DSC2: variants seen among roughly 807,000 people sequenced by gnomAD.
DSC2 encodes desmocollin-2.
In DSC2, 51 loss-of-function variants were observed where a neutral mutation model predicts 87.6. The ratio of observed to expected loss-of-function variants is 0.58; its 90% CI spans 0.46 to 0.74. DSC2 has a LOEUF of 0.74. DSC2 is among the 30% of genes least tolerant of loss of function. The probability of loss-of-function intolerance (pLI) is 0.00; values close to 1 mark genes in which losing one functional copy is unlikely to be tolerated. For missense variants in DSC2, 1,066 were observed against 1,089.5 expected (o/e 0.98, Z 0.30); for synonymous variants, 383 against 393.2 (o/e 0.97, Z 0.31).
At position 31,092,200 on chromosome 18, in the gene DSC2, A is replaced by G; in HGVS notation, c.255T>C (p.Ile85=). 3 of 1,613,774 alleles carry G rather than the reference A, an allele frequency of 1.9e-6. No homozygotes were observed. Among genetic ancestry groups the G allele is most frequent in the Non-Finnish European group, 2.5e-6 (3 of 1,179,812 alleles). ...EDGSVYTTNT[I]LLSSEKRSFT... ...AACTTCTCTTCTCCGAGGACAATAG[A>G]ATAGTATTTGTTGTATAGACTGAAC... is the stretch of plus-strand genomic sequence containing the variant. The change falls in exon 3 of 16, where the codon ATT becomes ATC. Residue 85 remains isoleucine (I), a synonymous_variant. Transcript: ENST00000280904.
chr18:31,071,896 G>T, intron 12 of DSC2, 55 bp from the exon 13 acceptor site: 1 of 1,446,152 alleles, frequency 6.9e-7, no homozygotes, highest in South Asian at 1.2e-5. Context: ...GATTTCTTCT[G>T]AACATAAATA....
intron 11 of DSC2, among the ~76,000 whole-genome samples, chr18:31,075,196 AG>A (rs796328039): frequency 1.8e-4 from 27 of 152,328 alleles, no homozygotes; most frequent in African/African-American, 6.5e-4. Context: ...AGTATGAATG[AG>A]GACACTTCTG....
At chr18:31,086,447 A>C in intron 7 of DSC2, 129 bp downstream of exon 7, 2 of 1,131,888 alleles carry the variant, frequency 1.8e-6, no homozygotes, top group Non-Finnish European at 2.6e-6. Context: ...ATCTCTATTA[A>C]CATACATAAA....
At position 31,061,050 on chromosome 18, in the gene DSC2, T is replaced by C. The variant is rs935018194; in HGVS notation, c.*6965A>G. 5 of 152,248 alleles carry C rather than the reference T, an allele frequency of 3.3e-5. No individual in the cohort carries two copies. 9.4% of individuals were successfully genotyped at this position (152,248 alleles called of 1,614,324 possible). On this transcript the variant is annotated 3_prime_UTR_variant, in exon 16 of 16. Coordinates refer to ENST00000280904, the MANE Select transcript of DSC2 (RefSeq NM_024422.6). ...AAGAAAAAATGACCTAGAAAATGTA[T>C]TGAAAAGTGAAGGCTTCTATACTTT...
At position 31,079,938 on chromosome 18, in the gene DSC2, T is replaced by C; in HGVS notation, c.1572A>G (p.Thr524=). ...GGCTTCTGAAAACTTTGATTGATCC[T>C]GTATTTTCATCAATGGTGACCCACC... ...PTGWVTIDEN[T]GSIKVFRSLD... is the part of the protein sequence containing the mutation. Residue 524 remains threonine, a synonymous_variant, in exon 11 of 16, where the codon ACA becomes ACG. Transcript: ENST00000280904. 6.2e-7 allele frequency: 1 copy of C among 1,614,026 alleles called. No homozygotes were observed. The highest frequency in any genetic ancestry group is 8.5e-7 in the Non-Finnish European group (1 of 1,179,940).
chr18:31,071,556 G>A, intron 13 of DSC2, 49 bp downstream of exon 13: 1 of 1,562,020 alleles, frequency 6.4e-7, no homozygotes, highest in Non-Finnish European at 8.8e-7. Context: ...TGTCTTGAAA[G>A]TTACTTTAAA....
At chr18:31,076,334 G>A (rs1987016813) in intron 11 of DSC2, among the ~76,000 whole-genome samples, 1 of 152,086 alleles carries the variant, frequency 6.6e-6, no homozygotes, top group Non-Finnish European at 1.5e-5. Flanking sequence ...GCAACTACAA[G>A]ACTAGTAGTT....
intron 13 of DSC2, 136 bp downstream of exon 13, chr18:31,071,469 T>C: frequency 1.3e-6 from 1 of 781,334 alleles, no homozygotes; most frequent in Non-Finnish European, 2.2e-6. Flanking sequence ...ATCACTGGAA[T>C]CCAGAGGCAG....
intron 12 of DSC2, among the ~76,000 whole-genome samples, chr18:31,074,050 A>G (rs1271361520): frequency 6.6e-6 from 1 of 152,198 alleles, no homozygotes; most frequent in African/African-American, 2.4e-5. Flanking sequence ...GGCAGCCCAC[A>G]TACACTGATG....
chr18:31,076,874 C>T (rs1219930004), intron 11 of DSC2, among the ~76,000 whole-genome samples: 2 of 152,028 alleles, frequency 1.3e-5, no homozygotes, highest in East Asian at 3.9e-4. Context: ...AATCGTTAAT[C>T]GACAGAACAA....
In DSC2 at chr18:31,062,642, G is replaced by A. The variant is rs1263875519; in HGVS notation, c.*5373C>T. On this transcript the variant is annotated 3_prime_UTR_variant, in exon 16 of 16. Transcript: ENST00000280904. The stretch of plus-strand genomic sequence containing the variant: ...TACATGTTAGGCATACAGTGGTCAA[G>A]AAGACAGAGGAGAACCCTTGGGGGT... 6.6e-6 allele frequency: 1 copy of A among 152,184 alleles called. No individual in the cohort carries two copies. Among genetic ancestry groups the A allele is most frequent in the Non-Finnish European group, 1.5e-5 (1 of 68,028 alleles). 9.4% of individuals were successfully genotyped at this position (152,184 alleles called of 1,614,324 possible). A position where few individuals can be genotyped will look rare whatever the true frequency, so the allele number is the denominator to read the frequency against.
chr18:31,071,234 A>G (rs1220301176), intron 13 of DSC2, among the ~76,000 whole-genome samples: 1 of 152,148 alleles, frequency 6.6e-6, no homozygotes, highest in Non-Finnish European at 1.5e-5. Context: ...TATAGGAAAT[A>G]GCACTGATTC....
At chr18:31,092,402 T>A in intron 2 of DSC2, 102 bp from the exon 3 acceptor site, 1 of 947,066 alleles carries the variant, frequency 1.1e-6, no homozygotes, top group Non-Finnish European at 1.7e-6. Context: ...TAAAATTCAT[T>A]ATACTGACAC....
intron 3 of DSC2, 46 bp downstream of exon 3, chr18:31,092,055 G>A (rs780675869): frequency 7.0e-5 from 108 of 1,552,624 alleles, no homozygotes; most frequent in East Asian, 1.1e-4. Context: ...TGTTGATTAC[G>A]TCTGAAGAAA....
Position 31,089,545 on chromosome 18 carries a change from C to T in DSC2, c.524G>A (p.Gly175Asp). ...QNYTIYYSIR[G>D]PGVDQEPRNL... ...CCGAGGTTCTTGGTCAACTCCAGGA[C>T]CTCTTATGGAATAGTATATGGTATA... Residue 175 changes from glycine to aspartate, a missense_variant, in exon 5 of 16, where the codon GGT becomes GAT. Coordinates refer to ENST00000280904, the MANE Select transcript of DSC2 (RefSeq NM_024422.6). The T allele has an allele frequency of 6.2e-7, 1 of 1,613,916 alleles. No individual in the cohort carries two copies. Among genetic ancestry groups the T allele is most frequent in the Non-Finnish European group, 8.5e-7 (1 of 1,179,930 alleles).
rs777171556 is a variant in DSC2, at chr18:31,090,998, C to T, written c.474+30G>A. The stretch of plus-strand genomic sequence containing the variant: ...AATGGTAAGAGATGGAAACTATAGA[C>T]TCCCACAGCAGAAAGAAAGAAAACG... On this transcript the variant is annotated intron_variant, in intron 4 of 15. Transcript: ENST00000280904. 3.7e-6 allele frequency: 6 copies of T among 1,613,742 alleles called. No individual in the cohort carries two copies. In the South Asian group the frequency reaches 5.5e-5, roughly 15 times the overall value.
Position 31,071,751 on chromosome 18 carries a change from C to T in DSC2, c.1979G>A (p.Ser660Asn), listed in dbSNP as rs745879343. The stretch of plus-strand genomic sequence containing the variant: ...CAGTGTAACATCCAATGAAGTGACA[C>T]TAGACATGCCAAGTCTATCTCTCAC... ...ITVRDRLGMS[S>N]VTSLDVTLCD... The change falls in exon 13 of 16, where the codon AGT becomes AAT. Residue 660 changes from serine (S) to asparagine (N), a missense_variant. Coordinates refer to ENST00000280904, the MANE Select transcript of DSC2 (RefSeq NM_024422.6). The T allele has an allele frequency of 1.9e-6, 3 of 1,613,718 alleles. No homozygotes were observed. The highest frequency in any genetic ancestry group is 2.2e-5 in the East Asian group (1 of 44,796).
At chr18:31,092,798 TAC>T (rs1267626960) in intron 2 of DSC2, among the ~76,000 whole-genome samples, 3 of 152,124 alleles carry the variant, frequency 2.0e-5, no homozygotes, top group Non-Finnish European at 4.4e-5. Flanking sequence ...AAAAATACAA[TAC>T]AGAGTGAAAT....
chr18:31,087,634 T>C (rs1436422336), intron 6 of DSC2, 35 bp downstream of exon 6: 1 of 1,601,232 alleles, frequency 6.2e-7, no homozygotes, highest in East Asian at 2.2e-5. Flanking sequence ...TGAAACACAG[T>C]TAATTTGCCA....
Sources: allele counts gnomAD v4.1 joint callset (sites outside exome capture counted in the v4.1 genomes callset), GRCh38; gene constraint gnomAD v4.1.1; transcripts MANE v1.5; gene names NCBI Gene and HGNC (gene_info 2026-07-23, HGNC 2026-07-21).